Variants in CPNE4 observed in about 807,000 individuals in gnomAD.
The protein encoded by CPNE4 is copine 4.
CPNE4 carries 25 observed loss-of-function variants against 67.9 expected under a neutral mutation model. The observed-to-expected ratio is 0.37, with a 90% CI of 0.27 to 0.51. CPNE4 has a LOEUF of 0.51. Among genes scored for constraint, CPNE4 ranks in the 20% least tolerant of loss-of-function variants. The probability of loss-of-function intolerance (pLI) is 0.93; values close to 1 mark genes in which losing one functional copy is unlikely to be tolerated. For synonymous variants in CPNE4, 242 were observed against 244.9 expected (o/e 0.99, Z 0.11); for missense variants, 464 against 690.8 (o/e 0.67, Z 3.68).
At chr3:131,978,168 A>T (rs1168305083) in intron 1 of CPNE4, among the ~76,000 whole-genome samples, 20 of 64,052 alleles carry the variant, frequency 3.1e-4, no homozygotes, top group African/African-American at 4.0e-4. Context: ...AATATATATA[A>T]ATATGTAAAT....
At position 131,603,017 on chromosome 3, in the gene CPNE4, A is replaced by G. The variant is rs1185646488; in HGVS notation, c.682-15435T>C. Among the ~76,000 whole-genome samples the G allele has an allele frequency of 2.1e-4, 32 of 151,924 alleles. 1 individual carries two copies. The highest frequency in any genetic ancestry group is 1.5e-5 in the Non-Finnish European group (1 of 68,002). ...CACTGCTATAAAAAGTTCTGAAATT[A>G]TAAGTATCTCTCCTTTACAATTTTT... is the stretch of plus-strand genomic sequence containing the variant. On this transcript the variant is annotated intron_variant, in intron 7 of 15. Coordinates refer to ENST00000429747, the MANE Select transcript of CPNE4 (RefSeq NM_130808.3).
chr3:131,567,506 T>C (rs1479754300), intron 10 of CPNE4, among the ~76,000 whole-genome samples: 1 of 152,016 alleles, frequency 6.6e-6, no homozygotes, highest in East Asian at 1.9e-4. Flanking sequence ...GCAGACCCTA[T>C]ACTTGCAAAA....
At chr3:131,695,545 C>G (rs1401410259) in intron 5 of CPNE4, among the ~76,000 whole-genome samples, 1 of 152,128 alleles carries the variant, frequency 6.6e-6, no homozygotes, top group Non-Finnish European at 1.5e-5. Context: ...TATCCACTGA[C>G]CCAGTGGCTT....
chr3:131,953,194 C>A (rs1485597001), intron 1 of CPNE4, among the ~76,000 whole-genome samples: 1 of 141,586 alleles, frequency 7.1e-6, no homozygotes, highest in African/African-American at 2.7e-5. Flanking sequence ...TGTCATATGA[C>A]CCTGCCAAAT....
At chr3:131,735,962 A>G (rs2082224660) in intron 2 of CPNE4, among the ~76,000 whole-genome samples, 1 of 152,154 alleles carries the variant, frequency 6.6e-6, no homozygotes, top group Non-Finnish European at 1.5e-5. Flanking sequence ...CCAAGTTACT[A>G]CAAATTCTTA....
At chr3:131,674,525 G>A (rs1180938206) in intron 6 of CPNE4, among the ~76,000 whole-genome samples, 13 of 151,776 alleles carry the variant, frequency 8.6e-5, no homozygotes. Flanking sequence ...TTCAAGTTTT[G>A]GCTTTCTTTA....
intron 2 of CPNE4, among the ~76,000 whole-genome samples, chr3:131,792,807 ATG>A (rs1197278231): frequency 1.4e-5 from 2 of 146,016 alleles, no homozygotes; most frequent in Non-Finnish European, 3.0e-5. Context: ...TTGTATATAT[ATG>A]TGGAGTGTGT....
intron 7 of CPNE4, among the ~76,000 whole-genome samples, chr3:131,638,995 C>T (rs780535327): frequency 6.6e-6 from 1 of 152,094 alleles, no homozygotes. Context: ...ATCAAAACCT[C>T]TGGGATAGAG....
In CPNE4 at chr3:131,970,857, T is replaced by C. The variant is rs139521155; in HGVS notation, c.-2+63710A>G. On this transcript the variant is annotated intron_variant, in intron 1 of 15. Transcript: ENST00000429747. ...AGATATAGAATGAACGGATCATCAA[T>C]CTGAGAGGGTAGCAGCATTTCCCAA... 3.7e-4 allele frequency among the ~76,000 whole-genome samples: 56 copies of C among 152,356 alleles called. No homozygotes were observed. The East Asian group carries it at 0.01, about 27-fold the overall frequency.
At chr3:131,677,963 G>C (rs2080629733) in intron 6 of CPNE4, among the ~76,000 whole-genome samples, 1 of 152,130 alleles carries the variant, frequency 6.6e-6, no homozygotes, top group Non-Finnish European at 1.5e-5. Context: ...TTCTAGTTCT[G>C]TGAAGAATGT....
intron 1 of CPNE4, among the ~76,000 whole-genome samples, chr3:131,999,885 T>C (rs6806453): frequency 0.27 from 41,391 of 151,900 alleles, 6,741 homozygotes; most frequent in African/African-American, 0.46. Context: ...TTTTACTGCA[T>C]GTTTTTCATT....
chr3:131,698,316 T>C (rs1344925598), intron 4 of CPNE4, among the ~76,000 whole-genome samples: 1 of 149,980 alleles, frequency 6.7e-6, no homozygotes, highest in African/African-American at 2.5e-5. Flanking sequence ...TCAGGATATC[T>C]CAGAGAAAAT....
intron 2 of CPNE4, among the ~76,000 whole-genome samples, chr3:131,859,955 G>T (rs2086604969): frequency 1.3e-5 from 2 of 152,076 alleles, no homozygotes; most frequent in African/African-American, 4.8e-5. Flanking sequence ...AAATCCATCC[G>T]CAGAATGACT....
intron 2 of CPNE4, among the ~76,000 whole-genome samples, chr3:131,788,619 C>T (rs866851844): frequency 9.2e-5 from 14 of 151,982 alleles, no homozygotes. Context: ...TTCATCCAAC[C>T]AGTCTACTTT....
At chr3:131,938,099 T>C (rs1313761204) in intron 1 of CPNE4, among the ~76,000 whole-genome samples, 1 of 145,880 alleles carries the variant, frequency 6.9e-6, no homozygotes, top group African/African-American at 2.5e-5. Flanking sequence ...GGTTTACAGA[T>C]ATAATCCCAG....
chr3:131,968,048 A>C lies in CPNE4; in HGVS notation c.-1-62604T>G, dbSNP rs151106225. 8.0e-3 allele frequency among the ~76,000 whole-genome samples: 1,214 copies of C among 152,284 alleles called. 15 individuals carry two copies. The highest frequency in any genetic ancestry group is 0.027 in the African/African-American group (1,126 of 41,560). On this transcript the variant is annotated intron_variant, in intron 1 of 15. Transcript: ENST00000429747. ...GAACAGAACAGCGGCCTCAGAAATA[A>C]CACCACACATCTACAACCATCTGAT...
intron 2 of CPNE4, among the ~76,000 whole-genome samples, chr3:131,898,111 T>A (rs959020078): frequency 2.6e-5 from 4 of 152,050 alleles, no homozygotes; most frequent in Non-Finnish European, 4.4e-5. Context: ...AAAGGAAATA[T>A]GACTTTTAAG....
At chr3:131,800,592 T>C (rs577288251) in intron 2 of CPNE4, among the ~76,000 whole-genome samples, 6 of 152,284 alleles carry the variant, frequency 3.9e-5, no homozygotes, top group Middle Eastern at 3.4e-3. Flanking sequence ...AGAATAGCCC[T>C]GCATGAGGCC....
intron 1 of CPNE4, among the ~76,000 whole-genome samples, chr3:131,911,921 C>A (rs1205556825): frequency 6.6e-6 from 1 of 152,130 alleles, no homozygotes; most frequent in Non-Finnish European, 1.5e-5. Context: ...CTGAAGCTCA[C>A]TGCTGAAAGG....
Sources: gnomAD v4.1 joint callset for allele counts (sites outside exome capture counted in the v4.1 genomes callset) on GRCh38, gnomAD v4.1.1 for gene constraint, MANE v1.5 for transcripts, NCBI Gene and HGNC (gene_info 2026-07-23, HGNC 2026-07-21) for gene names.